TMEM30A: variants seen among roughly 807,000 people sequenced by gnomAD.
The protein encoded by TMEM30A is cell cycle control protein 50A.
TMEM30A carries 24 observed loss-of-function variants against 38.2 expected under a neutral mutation model. The observed-to-expected ratio is 0.63, with a 90% CI of 0.46 to 0.88. TMEM30A has a LOEUF of 0.88. Ranked by LOEUF, TMEM30A falls within the 40% of genes least tolerant of loss-of-function variation. The pLI, the probability that TMEM30A is intolerant of heterozygous loss-of-function variation, is 0.00. For missense variants in TMEM30A, 370 were observed against 458.6 expected (o/e 0.81, Z 1.77); for synonymous variants, 145 against 161.6 (o/e 0.90, Z 0.78).
chr6:75,273,892 C>G (rs964164557), intron 1 of TMEM30A, among the ~76,000 whole-genome samples: 5 of 152,226 alleles, frequency 3.3e-5, no homozygotes, highest in Admixed American at 3.3e-4. Flanking sequence ...CTTGATGGTA[C>G]TGACTGAGTT....
intron 1 of TMEM30A, among the ~76,000 whole-genome samples, chr6:75,278,404 A>T (rs1185945320): frequency 2.6e-5 from 4 of 152,190 alleles, no homozygotes; most frequent in Non-Finnish European, 5.9e-5. Flanking sequence ...CCTCCCTTGT[A>T]GCTTGTGTGG....
chr6:75,278,296 T>C (rs1772295506), intron 1 of TMEM30A, among the ~76,000 whole-genome samples: 1 of 152,212 alleles, frequency 6.6e-6, no homozygotes, highest in Non-Finnish European at 1.5e-5. Context: ...AGACTGCTAA[T>C]AGCAACCCCT....
chr6:75,276,960 C>T (rs1395412513), intron 1 of TMEM30A, among the ~76,000 whole-genome samples: 1 of 152,070 alleles, frequency 6.6e-6, no homozygotes, highest in Non-Finnish European at 1.5e-5. Flanking sequence ...CCTCACATAT[C>T]AATATGGTTC....
intron 1 of TMEM30A, among the ~76,000 whole-genome samples, chr6:75,275,896 C>A (rs1772251941): frequency 6.6e-6 from 1 of 152,088 alleles, no homozygotes; most frequent in South Asian, 2.1e-4. Context: ...GTGGTTGGTG[C>A]CCCCTAAATA....
At chr6:75,264,883 T>C (rs1772040144) in intron 3 of TMEM30A, among the ~76,000 whole-genome samples, 1 of 151,998 alleles carries the variant, frequency 6.6e-6, no homozygotes, top group Admixed American at 6.5e-5. Context: ...GGGCAGATCA[T>C]GAGGTCAGGA....
chr6:75,280,409 T>C (rs546204036), intron 1 of TMEM30A, among the ~76,000 whole-genome samples: 8 of 152,222 alleles, frequency 5.3e-5, no homozygotes, highest in African/African-American at 1.7e-4. Flanking sequence ...GGTTCTTATG[T>C]AACAAGAGAG....
chr6:75,258,824 T>C lies in TMEM30A; in HGVS notation c.848A>G (p.His283Arg). Residue 283 changes from histidine to arginine, a missense_variant, in exon 6 of 7, where the codon CAT becomes CGT. Coordinates refer to ENST00000230461, the MANE Select transcript of TMEM30A (RefSeq NM_018247.4). ...GTATCGGCCAGCTGGTAATGTTGGA[T>C]GTAAATCACTTTTCCTTTCTATAAG... ...YRLIERKSDLHPTLPAGRYSL... is the reference protein window; with the variant it reads ...YRLIERKSDLRPTLPAGRYSL... 6.2e-7 allele frequency: 1 copy of C among 1,613,976 alleles called. No individual in the cohort carries two copies. Among genetic ancestry groups the C allele is most frequent in the Non-Finnish European group, 8.5e-7 (1 of 1,179,878 alleles).
At position 75,255,951 on chromosome 6, in the gene TMEM30A, G is replaced by C. The variant is rs983246329; in HGVS notation, c.*151C>G. ...ATATATTTTTAGAAGTCATCCGTAG[G>C]GAAGAAGCAAACAACAAAGACTGCT... is the stretch of plus-strand genomic sequence containing the variant. On this transcript the variant is annotated 3_prime_UTR_variant, in exon 7 of 7. Transcript: ENST00000230461. 9.6e-5 allele frequency: 54 copies of C among 562,666 alleles called. No homozygotes were observed. Among genetic ancestry groups the C allele is most frequent in the African/African-American group, 9.5e-4 (50 of 52,784 alleles). The allele number at this position is 562,666 out of a possible 1,614,324, so 34.9% of individuals were successfully genotyped here.
At chr6:75,265,762 C>A (rs796271774) in intron 2 of TMEM30A, among the ~76,000 whole-genome samples, 27 of 152,258 alleles carry the variant, frequency 1.8e-4, no homozygotes, top group African/African-American at 6.5e-4. Flanking sequence ...TGCTATGTTG[C>A]CCAGGCTGGC....
At chr6:75,259,963 T>C (rs576598925) in intron 4 of TMEM30A, among the ~76,000 whole-genome samples, 25 of 152,200 alleles carry the variant, frequency 1.6e-4, no homozygotes, top group Non-Finnish European at 3.2e-4. Context: ...AGACTTAGTA[T>C]AAAAAATTAG....
rs780932172 is a variant in TMEM30A, at chr6:75,284,507, G to C, written c.132C>G (p.Ile44Met). Residue 44 changes from isoleucine (I) to methionine (M), a missense_variant, in exon 1 of 7, where the codon ATC becomes ATG. Coordinates refer to ENST00000230461, the MANE Select transcript of TMEM30A (RefSeq NM_018247.4). ...TAGGTAGCACCGTGCCAGCCGTAAG[G>C]ATGGGCTGCCAAGCTGGCAGCCGTT... is the stretch of plus-strand genomic sequence containing the variant. ...KQQRLPAWQP[I>M]LTAGTVLPIF... 1 of 1,611,744 alleles carries C rather than the reference G, an allele frequency of 6.2e-7. No individual in the cohort carries two copies. Among genetic ancestry groups the C allele is most frequent in the Admixed American group, 1.7e-5 (1 of 59,792 alleles).
intron 6 of TMEM30A, among the ~76,000 whole-genome samples, chr6:75,258,157 G>A (rs911204264): frequency 6.6e-6 from 1 of 152,144 alleles, no homozygotes. Flanking sequence ...TTACTTAAGT[G>A]CTCGATATTC....
At chr6:75,270,348 G>A (rs1199861906) in intron 1 of TMEM30A, among the ~76,000 whole-genome samples, 1 of 152,144 alleles carries the variant, frequency 6.6e-6, no homozygotes, top group Non-Finnish European at 1.5e-5. Flanking sequence ...GTTATGAACT[G>A]AATGTTTGTG....
chr6:75,260,339 G>C (rs554495145), intron 4 of TMEM30A, among the ~76,000 whole-genome samples: 7 of 152,180 alleles, frequency 4.6e-5, no homozygotes, highest in African/African-American at 1.4e-4. Flanking sequence ...CCAGGGAGCA[G>C]AGGTTGCAGT....
In TMEM30A at chr6:75,280,207, A is replaced by G. The variant is rs186889168; in HGVS notation, c.237+4195T>C. On this transcript the variant is annotated intron_variant, in intron 1 of 6. Transcript: ENST00000230461. The stretch of plus-strand genomic sequence containing the variant: ...GCAATTGCCAGGGATCATTACACCT[A>G]TCTTGAACAATTATTGAGGACTAGA... Among the ~76,000 whole-genome samples the G allele has an allele frequency of 1.4e-4, 22 of 152,306 alleles. No homozygotes were observed. In the East Asian group the frequency reaches 4.2e-3, roughly 29 times the overall value.
At chr6:75,274,839 G>A (rs1422336656) in intron 1 of TMEM30A, among the ~76,000 whole-genome samples, 4 of 151,990 alleles carry the variant, frequency 2.6e-5, no homozygotes, top group Non-Finnish European at 5.9e-5. Flanking sequence ...GTGAAACCCC[G>A]TCTCTACTAA....
chr6:75,257,307 A>C (rs1238291897), intron 6 of TMEM30A, among the ~76,000 whole-genome samples: 1 of 152,130 alleles, frequency 6.6e-6, no homozygotes, highest in Non-Finnish European at 1.5e-5. Flanking sequence ...CCCAATTTTG[A>C]TAATTAACCC....
intron 1 of TMEM30A, among the ~76,000 whole-genome samples, chr6:75,275,176 C>T (rs1772240332): frequency 6.6e-6 from 1 of 152,142 alleles, no homozygotes; most frequent in Admixed American, 6.5e-5. Context: ...TTGCTAGTTC[C>T]TCCTTAGCTC....
Position 75,284,640 on chromosome 6 carries a change from G to A in TMEM30A, c.-2C>T, listed in dbSNP as rs140462336. The A allele has an allele frequency of 8.7e-6, 14 of 1,612,154 alleles. No homozygotes were observed. The African/African-American group carries it at 1.6e-4, about 18-fold the overall frequency. On this transcript the variant is annotated 5_prime_UTR_variant, in exon 1 of 7. Transcript: ENST00000230461. ...CTTCGCGTTATAGTTCATCGCCATCGATCCCTGGGGCGCCGCTCCGCGATT... is the reference window on the plus strand; with the variant it reads ...CTTCGCGTTATAGTTCATCGCCATCAATCCCTGGGGCGCCGCTCCGCGATT...
Sources: gnomAD v4.1 joint callset for allele counts (sites outside exome capture counted in the v4.1 genomes callset) on GRCh38, gnomAD v4.1.1 for gene constraint, MANE v1.5 for transcripts, NCBI Gene and HGNC (gene_info 2026-07-23, HGNC 2026-07-21) for gene names.